The following SYNDIG1 variants were observed in gnomAD, a reference collection of about 807,000 sequenced individuals.
SYNDIG1 encodes synapse differentiation inducing 1, also known as synapse differentiation-inducing gene protein 1.
SYNDIG1 carries 9 observed loss-of-function variants against 19.4 expected under a neutral mutation model. That is an observed-to-expected ratio of 0.46 (90% CI 0.28 to 0.81). SYNDIG1 has a LOEUF of 0.81. SYNDIG1 is among the 30% of genes least tolerant of loss of function. The pLI is 0.12. For missense variants in SYNDIG1, 311 were observed against 343.3 expected, an observed-to-expected ratio of 0.91 and a Z score of 0.74; for synonymous variants, 141 against 145.9, an observed-to-expected ratio of 0.97 and a Z score of 0.24.
At chr20:24,545,208 G>A (rs756877235) in intron 2 of SYNDIG1, among the ~76,000 whole-genome samples, 12 of 152,134 alleles carry the variant, frequency 7.9e-5, no homozygotes, top group East Asian at 1.9e-4. Flanking sequence ...GGTGGAGCCC[G>A]GGAAGCCCAC....
At chr20:24,486,662 T>TA (rs1568575113) in intron 1 of SYNDIG1, among the ~76,000 whole-genome samples, 4 of 150,766 alleles carry the variant, frequency 2.7e-5, no homozygotes, top group African/African-American at 7.3e-5. Flanking sequence ...TTATTTAATT[T>TA]TTTTTTTGTT....
intron 1 of SYNDIG1, among the ~76,000 whole-genome samples, chr20:24,519,567 G>A (rs1409202398): frequency 1.3e-5 from 2 of 152,140 alleles, no homozygotes; most frequent in African/African-American, 2.4e-5. Flanking sequence ...AAGGTTAGAA[G>A]CATAGTATTC....
chr20:24,607,360 CAAAAAAAAAA>C (rs59085965), intron 3 of SYNDIG1, among the ~76,000 whole-genome samples: 7 of 107,476 alleles, frequency 6.5e-5, no homozygotes, highest in African/African-American at 2.4e-4. Flanking sequence ...GACTCCGTCT[CAAAAAAAAAA>C]AAAAAAAAGA....
intron 2 of SYNDIG1, among the ~76,000 whole-genome samples, chr20:24,544,970 G>A (rs760734149): frequency 6.6e-6 from 1 of 152,308 alleles, no homozygotes; most frequent in Admixed American, 6.5e-5. Context: ...GAAGGTGGAG[G>A]AGGCAGGAGA....
At chr20:24,481,108 T>G (rs1359801757) in intron 1 of SYNDIG1, among the ~76,000 whole-genome samples, 3 of 151,920 alleles carry the variant, frequency 2.0e-5, no homozygotes, top group East Asian at 1.9e-4. Flanking sequence ...AAATTTTATG[T>G]TGTGTGTGTG....
intron 3 of SYNDIG1, among the ~76,000 whole-genome samples, chr20:24,586,935 T>C (rs1165620989): frequency 6.6e-6 from 1 of 152,186 alleles, no homozygotes; most frequent in Admixed American, 6.5e-5. Flanking sequence ...AAGATCACCA[T>C]TATAATAATA....
At chr20:24,617,117 C>T (rs758627020) in intron 3 of SYNDIG1, among the ~76,000 whole-genome samples, 6 of 152,162 alleles carry the variant, frequency 3.9e-5, no homozygotes, top group Non-Finnish European at 8.8e-5. Flanking sequence ...AAAATTTACC[C>T]GGTGTGATAG....
intron 3 of SYNDIG1, among the ~76,000 whole-genome samples, chr20:24,662,378 C>G (rs1239870658): frequency 1.3e-5 from 2 of 152,048 alleles, no homozygotes; most frequent in African/African-American, 2.4e-5. Flanking sequence ...CTTTTAATTC[C>G]AGAACCGCAG....
At chr20:24,586,403 G>A (rs1399122047) in intron 3 of SYNDIG1, among the ~76,000 whole-genome samples, 2 of 152,238 alleles carry the variant, frequency 1.3e-5, no homozygotes, top group African/African-American at 2.4e-5. Context: ...GGGTCTGGCA[G>A]GGCCTGGTGG....
At chr20:24,654,646 G>GGGGGAGGAAGGA (rs2059505000) in intron 3 of SYNDIG1, among the ~76,000 whole-genome samples, 1 of 106,162 alleles carries the variant, frequency 9.4e-6, no homozygotes, top group South Asian at 3.4e-4. Context: ...GAGAGGGAGG[G>GGGGGAGGAAGGA]AGGGAGGAAG....
intron 1 of SYNDIG1, among the ~76,000 whole-genome samples, chr20:24,486,908 C>T (rs992304549): frequency 8.5e-5 from 13 of 152,266 alleles, no homozygotes; most frequent in African/African-American, 2.9e-4. Context: ...CCACCTGCCT[C>T]GGCCTCCCAA....
intron 3 of SYNDIG1, among the ~76,000 whole-genome samples, chr20:24,618,454 G>A (rs983074749): frequency 9.9e-5 from 15 of 152,086 alleles, no homozygotes; most frequent in Admixed American, 4.6e-4. Context: ...TGGGCACCAC[G>A]GGGCTCAGCC....
At chr20:24,597,730 G>C (rs2058618784) in intron 3 of SYNDIG1, among the ~76,000 whole-genome samples, 1 of 152,198 alleles carries the variant, frequency 6.6e-6, no homozygotes, top group Non-Finnish European at 1.5e-5. Context: ...GAAATGGAAA[G>C]GAGGTGTGGA....
At chr20:24,626,286 G>A (rs1490986786) in intron 3 of SYNDIG1, among the ~76,000 whole-genome samples, 1 of 151,878 alleles carries the variant, frequency 6.6e-6, no homozygotes, top group Non-Finnish European at 1.5e-5. Context: ...AGATGGGGTG[G>A]CAGCCGGGCG....
At chr20:24,639,843 A>T (rs1025482133) in intron 3 of SYNDIG1, among the ~76,000 whole-genome samples, 1 of 152,210 alleles carries the variant, frequency 6.6e-6, no homozygotes, top group Non-Finnish European at 1.5e-5. Context: ...AGCATTTTCC[A>T]TGTAATTAGC....
chr20:24,618,973 A>C (rs2058994851), intron 3 of SYNDIG1, among the ~76,000 whole-genome samples: 1 of 152,134 alleles, frequency 6.6e-6, no homozygotes, highest in African/African-American at 2.4e-5. Flanking sequence ...GGGAGACAAA[A>C]CGCACCTGTT....
At chr20:24,519,887 C>G (rs958358054) in intron 1 of SYNDIG1, among the ~76,000 whole-genome samples, 3 of 152,054 alleles carry the variant, frequency 2.0e-5, no homozygotes, top group African/African-American at 4.8e-5. Context: ...ACGAAAAACA[C>G]AGAATGTCAT....
chr20:24,645,721 G>T (rs1486696408), intron 3 of SYNDIG1, among the ~76,000 whole-genome samples: 1 of 152,220 alleles, frequency 6.6e-6, no homozygotes, highest in East Asian at 1.9e-4. Context: ...GGCTGGGCTA[G>T]GGGGAGACTC....
chr20:24,477,312 C>T (rs1345018040), intron 1 of SYNDIG1, among the ~76,000 whole-genome samples: 1 of 151,882 alleles, frequency 6.6e-6, no homozygotes. Context: ...TGGGCCATAG[C>T]CCGTCCTCAA....
Sources: allele counts gnomAD v4.1 joint callset (sites outside exome capture counted in the v4.1 genomes callset), GRCh38; gene constraint gnomAD v4.1.1; transcripts MANE v1.5; gene names NCBI Gene and HGNC (gene_info 2026-07-23, HGNC 2026-07-21).